Variants in DNAH9 observed in about 807,000 individuals in gnomAD.
DNAH9 encodes the protein dynein axonemal heavy chain 9.
Under a neutral mutation model 471.6 loss-of-function variants are expected in DNAH9, and 345 were observed. The observed-to-expected ratio is 0.73, with a 90% CI of 0.67 to 0.80. The LOEUF is 0.80. Ranked by LOEUF, DNAH9 falls within the 30% of genes least tolerant of loss-of-function variation. The pLI is 0.00. For synonymous variants in DNAH9, 2,093 were observed against 2,123.6 expected, an observed-to-expected ratio of 0.99 and a Z score of 0.40; for missense variants, 5,407 against 5,609.2, an observed-to-expected ratio of 0.96 and a Z score of 1.15.
chr17:11,736,760 C>G (rs536692246), intron 28 of DNAH9, among the ~76,000 whole-genome samples: 1 of 152,308 alleles, frequency 6.6e-6, no homozygotes, highest in East Asian at 1.9e-4. Context: ...TCCAAAAGTG[C>G]ATCATAAATT....
intron 49 of DNAH9, 73 bp from the exon 50 acceptor site, chr17:11,853,930 C>G: frequency 6.9e-7 from 1 of 1,459,408 alleles, no homozygotes; most frequent in Non-Finnish European, 9.4e-7. Flanking sequence ...GCTCCACAAC[C>G]TAACTCCATC....
rs2151004779 is a variant in DNAH9, at chr17:11,892,597, C to T, written c.11283+650C>T. On this transcript the variant is annotated intron_variant, in intron 58 of 68. Coordinates refer to ENST00000262442, the MANE Select transcript of DNAH9 (RefSeq NM_001372.4). The surrounding 1 kb of genome is among the most constrained non-coding windows in gnomAD (Gnocchi z 4.3). ...ATGGAGTCTCACTCTGTTGTCCAGG[C>T]TGGAATGCAGTGGTGTGATCCTGGC... Among the ~76,000 whole-genome samples, 1 of 152,242 alleles carries T rather than the reference C, an allele frequency of 6.6e-6. No individual in the cohort carries two copies. The highest frequency in any genetic ancestry group is 2.1e-4 in the South Asian group (1 of 4,820).
chr17:11,727,528 A>G (rs1451161895), intron 27 of DNAH9, among the ~76,000 whole-genome samples: 4 of 152,066 alleles, frequency 2.6e-5, no homozygotes, highest in Admixed American at 2.6e-4. Flanking sequence ...TCTTTTATTC[A>G]TTTCCTGGGA....
intron 9 of DNAH9, among the ~76,000 whole-genome samples, chr17:11,639,996 T>C (rs1456739034): frequency 1.3e-5 from 2 of 152,086 alleles, no homozygotes; most frequent in African/African-American, 4.8e-5. Context: ...AGAGTTAGAC[T>C]CCTTGAAACA....
At chr17:11,933,817 C>A in intron 64 of DNAH9, 63 bp from the exon 65 acceptor site, 1 of 1,497,588 alleles carries the variant, frequency 6.7e-7, no homozygotes, top group Non-Finnish European at 9.1e-7. Context: ...AGATGGGAGG[C>A]CAGCCCCGAC....
chr17:11,613,637 T>C (rs897198605), intron 4 of DNAH9, among the ~76,000 whole-genome samples: 2 of 152,130 alleles, frequency 1.3e-5, no homozygotes, highest in South Asian at 4.2e-4. Context: ...TGTTTGAGGG[T>C]AATAGCCCTG....
In DNAH9 at chr17:11,742,079, C is replaced by G. The variant is rs1597577518; in HGVS notation, c.5973-96C>G. ...TGAGTTTTTGCACTCACAGATGCCT[C>G]CATGTGTGATCTCGGCCAGTGCTTA... On this transcript the variant is annotated intron_variant, in intron 29 of 68. Transcript: ENST00000262442. 2.7e-6 allele frequency: 3 copies of G among 1,130,092 alleles called. No homozygotes were observed. In the East Asian group the frequency reaches 7.1e-5, roughly 27 times the overall value. 70.0% of individuals were successfully genotyped at this position (1,130,092 alleles called of 1,614,324 possible).
intron 66 of DNAH9, among the ~76,000 whole-genome samples, chr17:11,939,172 A>G (rs1467747542): frequency 2.6e-5 from 4 of 152,194 alleles, no homozygotes; most frequent in Non-Finnish European, 4.4e-5. Flanking sequence ...TGAGGTGAGC[A>G]TACTTCGAGA....
intron 26 of DNAH9, among the ~76,000 whole-genome samples, chr17:11,706,761 A>G (rs187303601): frequency 6.6e-6 from 1 of 152,324 alleles, no homozygotes; most frequent in East Asian, 1.9e-4. Flanking sequence ...GATATACAGC[A>G]TTCATTAATT....
chr17:11,617,727 T>A, intron 5 of DNAH9, 105 bp downstream of exon 5: 1 of 786,418 alleles, frequency 1.3e-6, no homozygotes, highest in Non-Finnish European at 2.1e-6. Context: ...AGGAAATAAT[T>A]ATGTTCCAAA....
intron 30 of DNAH9, among the ~76,000 whole-genome samples, chr17:11,743,851 A>G (rs1354796578): frequency 6.9e-6 from 1 of 143,920 alleles, no homozygotes; most frequent in South Asian, 2.2e-4. Context: ...TTTTTTTGAG[A>G]TGGAGTCTCC....
At chr17:11,934,550 A>G (rs1034342971) in intron 65 of DNAH9, among the ~76,000 whole-genome samples, 13 of 143,074 alleles carry the variant, frequency 9.1e-5, no homozygotes, top group African/African-American at 3.2e-4. Context: ...GGTTCACGCC[A>G]TTCTCCTGCC....
chr17:11,861,116 G>A (rs564942389), intron 50 of DNAH9, among the ~76,000 whole-genome samples: 2,290 of 151,430 alleles, frequency 0.015, 31 homozygotes, highest in Middle Eastern at 0.055. Flanking sequence ...ATGCTGGTGC[G>A]CTGCACCCAC....
chr17:11,645,302 G>A (rs2073359875), intron 11 of DNAH9, among the ~76,000 whole-genome samples: 1 of 152,174 alleles, frequency 6.6e-6, no homozygotes, highest in Admixed American at 6.5e-5. Context: ...TTAATTAACA[G>A]CACCTCTACC....
chr17:11,778,345 A>G (rs1351494705), intron 38 of DNAH9, among the ~76,000 whole-genome samples: 94 of 135,064 alleles, frequency 7.0e-4, no homozygotes, highest in African/African-American at 2.9e-3. Context: ...AAAAAAAAAA[A>G]AAAAAAAAAA....
chr17:11,894,924 C>T (rs963443124), intron 59 of DNAH9, among the ~76,000 whole-genome samples: 1 of 152,226 alleles, frequency 6.6e-6, no homozygotes, highest in African/African-American at 2.4e-5. Flanking sequence ...AGCAGGAGTG[C>T]ATTTCAGCCT....
In DNAH9 at chr17:11,626,633, T is replaced by C. The variant is rs2072975168; in HGVS notation, c.1351-2784T>C. Among the ~76,000 whole-genome samples, 2 of 152,198 alleles carry C rather than the reference T, an allele frequency of 1.3e-5. No homozygotes were observed. Among genetic ancestry groups the C allele is most frequent in the Admixed American group, 1.3e-4 (2 of 15,278 alleles). On this transcript the variant is annotated intron_variant, in intron 6 of 68. Transcript: ENST00000262442. The surrounding 1 kb of genome is among the most constrained non-coding windows in gnomAD (Gnocchi z 4.3). ...AATGTAATAAGTTCAACCTGTATGG[T>C]GAGGTCACATCTACTTCTTTGTCCC...
At chr17:11,765,490 G>A (rs1024137392) in intron 36 of DNAH9, among the ~76,000 whole-genome samples, 10 of 152,164 alleles carry the variant, frequency 6.6e-5, no homozygotes, top group East Asian at 1.9e-4. Context: ...GTTAACATCC[G>A]TCCTACCAAC....
rs763361356 is a variant in DNAH9 at position 11,784,300 on chromosome 17, C to T, written c.7822C>T (p.Arg2608Cys). 53 of 1,613,976 alleles carry T rather than the reference C, an allele frequency of 3.3e-5. No homozygotes were observed. Among genetic ancestry groups the T allele is most frequent in the South Asian group, 9.9e-5 (9 of 91,074 alleles). Residue 2608 changes from arginine (R) to cysteine (C), a missense_variant and splice_region_variant, in exon 41 of 69, where the codon CGT becomes TGT. By Grantham distance (180) the Arg-to-Cys change is radical. Around this residue, in one of 3 missense-constraint regions of DNAH9, gnomAD observed 4,636 missense variants for 4,900.3 expected, o/e 0.95. Transcript: ENST00000262442. ...GSFTINPRLQ[R>C]HFSVFVLSFP... Reference sequence around the variant, plus strand: ...GCTCATGCCTTTGTTTCCTGTACAGCGTCACTTCAGCGTGTTTGTCCTCTC... The same window carrying T: ...GCTCATGCCTTTGTTTCCTGTACAGTGTCACTTCAGCGTGTTTGTCCTCTC...
Sources: allele counts gnomAD v4.1 joint callset (sites outside exome capture counted in the v4.1 genomes callset), GRCh38; gene constraint gnomAD v4.1.1; regional missense constraint gnomAD v4.1.1; non-coding constraint Gnocchi (gnomAD v3.1); transcripts MANE v1.5; gene names NCBI Gene and HGNC (gene_info 2026-07-23, HGNC 2026-07-21).